MYRIP: variants seen among roughly 807,000 people sequenced by gnomAD.
MYRIP encodes the protein rab effector MyRIP.
In MYRIP, 49 loss-of-function variants were observed where a neutral mutation model predicts 98.0. The ratio of observed to expected loss-of-function variants is 0.50; its 90% CI spans 0.40 to 0.63. MYRIP has a LOEUF of 0.63. Ranked by LOEUF, MYRIP falls within the 30% of genes least tolerant of loss-of-function variation. The probability of loss-of-function intolerance (pLI) is 0.00; values close to 1 mark genes in which losing one functional copy is unlikely to be tolerated. For missense variants in MYRIP, 1,004 were observed against 1,058.2 expected (o/e 0.95, Z 0.71); for synonymous variants, 404 against 409.5 (o/e 0.99, Z 0.16).
At chr3:39,878,765 A>G (rs1041853668) in intron 1 of MYRIP, among the ~76,000 whole-genome samples, 1 of 152,036 alleles carries the variant, frequency 6.6e-6, no homozygotes, top group Non-Finnish European at 1.5e-5. Context: ...TTCTTTTAAA[A>G]TATTGTTTGG....
Position 40,250,516 on chromosome 3 carries a change from C to A in MYRIP, c.2428+17C>A. ...CGGTGAAAGGTATGCTAAATTAAAA[C>A]CACAAAGCTACCAAAAAATTAAGCC... On this transcript the variant is annotated intron_variant, in intron 15 of 16. Transcript: ENST00000302541. 1 of 1,613,914 alleles carries A rather than the reference C, an allele frequency of 6.2e-7. No individual in the cohort carries two copies. The highest frequency in any genetic ancestry group is 8.5e-7 in the Non-Finnish European group (1 of 1,179,898).
chr3:40,058,196 A>G (rs562347269), intron 3 of MYRIP, among the ~76,000 whole-genome samples: 1 of 152,288 alleles, frequency 6.6e-6, no homozygotes, highest in East Asian at 1.9e-4. Context: ...TAAGGCAGTT[A>G]AAGATACCAC....
At chr3:40,179,789 G>T (rs1033225447) in intron 8 of MYRIP, among the ~76,000 whole-genome samples, 3 of 152,178 alleles carry the variant, frequency 2.0e-5, no homozygotes, top group African/African-American at 7.2e-5. Flanking sequence ...AGTGCACAAC[G>T]ATAACAGTGT....
chr3:40,160,700 G>A (rs191713083), intron 4 of MYRIP, among the ~76,000 whole-genome samples: 5 of 152,310 alleles, frequency 3.3e-5, no homozygotes, highest in Admixed American at 6.5e-5. Flanking sequence ...CTCCTAGTGC[G>A]CCATTTTTTA....
rs1298657069 is a variant in MYRIP at position 40,118,667 on chromosome 3, T to TATGC, written c.333-32378_333-32375dup. Among the ~76,000 whole-genome samples the TATGC allele has an allele frequency of 1.2e-4, 19 of 152,118 alleles. No homozygotes were observed. In the South Asian group the frequency reaches 4.0e-3, roughly 32 times the overall value. ...GTGCACAACATGCAGGTTTGTTACG[T>TATGC]ATGCATACATGTGCCATGTTGGTGT... On this transcript the variant is annotated intron_variant, in intron 3 of 16. Coordinates refer to ENST00000302541, the MANE Select transcript of MYRIP (RefSeq NM_015460.4).
intron 1 of MYRIP, among the ~76,000 whole-genome samples, chr3:39,876,117 A>T (rs1466033502): frequency 6.6e-6 from 1 of 151,708 alleles, no homozygotes; most frequent in Non-Finnish European, 1.5e-5. Context: ...GTCTCTTTTG[A>T]TCTTTGTTGG....
intron 3 of MYRIP, among the ~76,000 whole-genome samples, chr3:40,060,676 C>T (rs553312596): frequency 1.3e-5 from 2 of 151,204 alleles, no homozygotes; most frequent in South Asian, 4.2e-4. Flanking sequence ...ACTGCAACCT[C>T]CACCTCCTGG....
In MYRIP at chr3:39,900,920, G is replaced by A. The variant is rs766785561; in HGVS notation, c.104G>A (p.Arg35Gln). ...DFNLRKKEEE[R>Q]LSELKQKLDE... is the part of the protein sequence containing the mutation. ...AATCTTCGCAAAAAAGAAGAAGAAC[G>A]ACTAAGGTGAGATGCCTGTTTTGCT... The change falls in exon 2 of 17, where the codon CGA (arginine) becomes CAA (glutamine). Residue 35 changes from arginine to glutamine, a missense_variant. This residue lies in a region of MYRIP where 880 missense variants were observed against 907.7 expected (regional missense o/e 0.97). Coordinates refer to ENST00000302541, the MANE Select transcript of MYRIP (RefSeq NM_015460.4). 8.1e-6 allele frequency: 13 copies of A among 1,611,138 alleles called. No homozygotes were observed. The highest frequency in any genetic ancestry group is 5.3e-5 in the African/African-American group (4 of 74,882).
intron 2 of MYRIP, among the ~76,000 whole-genome samples, chr3:39,957,114 G>C (rs1034647279): frequency 3.3e-5 from 5 of 151,760 alleles, no homozygotes; most frequent in Non-Finnish European, 5.9e-5. Context: ...AGAGAAGCTG[G>C]TACCATTCCT....
At chr3:39,869,766 T>A (rs1942728881) in intron 1 of MYRIP, among the ~76,000 whole-genome samples, 1 of 152,146 alleles carries the variant, frequency 6.6e-6, no homozygotes, top group African/African-American at 2.4e-5. Flanking sequence ...TACTATCCCC[T>A]CCCCCAAACT....
chr3:40,085,703 A>T (rs1271373723), intron 3 of MYRIP, among the ~76,000 whole-genome samples: 1 of 152,232 alleles, frequency 6.6e-6, no homozygotes, highest in East Asian at 1.9e-4. Flanking sequence ...GGGTAAGGAA[A>T]GAATCGAAAA....
chr3:40,081,383 G>A (rs185736210), intron 3 of MYRIP, among the ~76,000 whole-genome samples: 2 of 152,226 alleles, frequency 1.3e-5, no homozygotes, highest in South Asian at 2.1e-4. Flanking sequence ...GCAATTGTCT[G>A]TTTATGCTTT....
At chr3:39,845,363 A>T (rs1941931506) in intron 1 of MYRIP, among the ~76,000 whole-genome samples, 1 of 152,162 alleles carries the variant, frequency 6.6e-6, no homozygotes, top group Non-Finnish European at 1.5e-5. Context: ...CCACATATTT[A>T]AAAAATACCC....
intron 3 of MYRIP, among the ~76,000 whole-genome samples, chr3:40,069,256 C>T (rs949964237): frequency 5.3e-5 from 8 of 152,140 alleles, no homozygotes; most frequent in African/African-American, 1.7e-4. Context: ...AAGCTACGCA[C>T]CACCACCTAC....
At chr3:39,830,919 T>G (rs1051045823) in intron 1 of MYRIP, among the ~76,000 whole-genome samples, 4 of 152,196 alleles carry the variant, frequency 2.6e-5, no homozygotes, top group Non-Finnish European at 4.4e-5. Context: ...CCCTGCAGAT[T>G]GCCAGCCCAG....
chr3:40,194,280 A>T (rs908499982), intron 10 of MYRIP, among the ~76,000 whole-genome samples: 2 of 152,058 alleles, frequency 1.3e-5, no homozygotes, highest in African/African-American at 4.8e-5. Context: ...CAAATTAAGC[A>T]TTTGTCACAA....
chr3:40,052,946 A>G (rs934473739), intron 3 of MYRIP, among the ~76,000 whole-genome samples: 1 of 152,222 alleles, frequency 6.6e-6, no homozygotes, highest in East Asian at 1.9e-4. Flanking sequence ...AAACATAGAA[A>G]AATAGAAAAG....
intron 2 of MYRIP, among the ~76,000 whole-genome samples, chr3:40,042,922 T>A (rs1262099011): frequency 6.6e-6 from 1 of 152,180 alleles, no homozygotes; most frequent in Non-Finnish European, 1.5e-5. Context: ...GGCAAAGTCA[T>A]CTGACAACAT....
Position 40,067,729 on chromosome 3 carries a change from C to T in MYRIP, c.332+23458C>T, listed in dbSNP as rs138052775. Reference sequence around the variant, plus strand: ...AGAAAGTTAACTTCTGTTTCTGGTACGCACGAGATACCCTGAAATGAGGTC... The same window carrying T: ...AGAAAGTTAACTTCTGTTTCTGGTATGCACGAGATACCCTGAAATGAGGTC... On this transcript the variant is annotated intron_variant, in intron 3 of 16. Coordinates refer to ENST00000302541, the MANE Select transcript of MYRIP (RefSeq NM_015460.4). Among the ~76,000 whole-genome samples, 28 of 150,930 alleles carry T rather than the reference C, an allele frequency of 1.9e-4. No homozygotes were observed. The East Asian group carries it at 2.0e-3, about 11-fold the overall frequency.
Sources: allele counts gnomAD v4.1 joint callset (sites outside exome capture counted in the v4.1 genomes callset), GRCh38; gene constraint gnomAD v4.1.1; regional missense constraint gnomAD v4.1.1; transcripts MANE v1.5; gene names NCBI Gene and HGNC (gene_info 2026-07-23, HGNC 2026-07-21).